Variants in BEND5 observed in about 807,000 individuals in gnomAD.
BEND5 encodes the protein BEN domain-containing protein 5.
Under a neutral mutation model 43.9 loss-of-function variants are expected in BEND5, and 22 were observed. The observed-to-expected ratio is 0.50, with a 90% CI of 0.36 to 0.72. The LOEUF is 0.72. Ranked by LOEUF, BEND5 falls within the 30% of genes least tolerant of loss-of-function variation. BEND5 has a pLI of 0.00. For synonymous variants in BEND5, 228 were observed against 225.9 expected, an observed-to-expected ratio of 1.01 and a Z score of -0.08; for missense variants, 428 against 550.6, an observed-to-expected ratio of 0.78 and a Z score of 2.23.
chr1:48,767,824 A>G (rs757972883), intron 1 of BEND5, among the ~76,000 whole-genome samples: 1 of 152,224 alleles, frequency 6.6e-6, no homozygotes, highest in Non-Finnish European at 1.5e-5. Flanking sequence ...GGGCAAGGGA[A>G]ACCACCAAAG....
At chr1:48,766,676 C>G (rs775453129) in intron 1 of BEND5, among the ~76,000 whole-genome samples, 13 of 152,178 alleles carry the variant, frequency 8.5e-5, no homozygotes, top group Non-Finnish European at 1.0e-4. Flanking sequence ...TGCCTCTTGA[C>G]CTGGATCCTG....
chr1:48,740,277 T>G (rs975873051), intron 4 of BEND5, among the ~76,000 whole-genome samples: 1 of 152,162 alleles, frequency 6.6e-6, no homozygotes, highest in Non-Finnish European at 1.5e-5. Flanking sequence ...TTTTCAGGGA[T>G]GTAGCAGAAC....
chr1:48,735,670 C>A (rs1648927574), intron 5 of BEND5, among the ~76,000 whole-genome samples: 1 of 152,028 alleles, frequency 6.6e-6, no homozygotes, highest in African/African-American at 2.4e-5. Context: ...CAGAAAGGAA[C>A]CAGAAAGGAA....
intron 5 of BEND5, among the ~76,000 whole-genome samples, chr1:48,734,353 C>A (rs1648669073): frequency 6.6e-6 from 1 of 152,160 alleles, no homozygotes; most frequent in Admixed American, 6.5e-5. Context: ...AAAATACACC[C>A]TACACTTGGG....
At chr1:48,749,961 G>A (rs1651415644) in intron 3 of BEND5, among the ~76,000 whole-genome samples, 1 of 152,162 alleles carries the variant, frequency 6.6e-6, no homozygotes, top group African/African-American at 2.4e-5. Context: ...CAGCATAAGG[G>A]CTGCTCCCAG....
chr1:48,775,355 G>A (rs1476031576), intron 1 of BEND5, among the ~76,000 whole-genome samples: 1 of 152,138 alleles, frequency 6.6e-6, no homozygotes, highest in Non-Finnish European at 1.5e-5. Flanking sequence ...CTTGCCATGA[G>A]ACCCTGGGCA....
intron 3 of BEND5, among the ~76,000 whole-genome samples, chr1:48,746,070 T>C (rs186900284): frequency 3.9e-5 from 6 of 152,292 alleles, no homozygotes; most frequent in Admixed American, 3.9e-4. Context: ...AGAGATAATG[T>C]ACACATAAAT....
chr1:48,764,289 A>G (rs542101032), intron 1 of BEND5, among the ~76,000 whole-genome samples: 1 of 152,332 alleles, frequency 6.6e-6, no homozygotes, highest in South Asian at 2.1e-4. Context: ...CTCTGAGACT[A>G]TTTCCTCATC....
At chr1:48,767,490 C>T (rs919415697) in intron 1 of BEND5, among the ~76,000 whole-genome samples, 3 of 152,142 alleles carry the variant, frequency 2.0e-5, no homozygotes, top group African/African-American at 4.8e-5. Context: ...ACGGATAAGA[C>T]GTGAGGAGGA....
At chr1:48,776,554 G>C (rs1226357993) in intron 1 of BEND5, 52 bp downstream of exon 1, 1 of 1,302,140 alleles carries the variant, frequency 7.7e-7, no homozygotes, top group East Asian at 3.1e-5. Context: ...GCCCCTCCCG[G>C]GGTCCCAGCC....
At chr1:48,728,476 G>A (rs1570373251) in intron 5 of BEND5, among the ~76,000 whole-genome samples, 1 of 126,906 alleles carries the variant, frequency 7.9e-6, no homozygotes, top group Non-Finnish European at 1.6e-5. Context: ...CTATCATTCT[G>A]ACTTGCTTTT....
intron 3 of BEND5, among the ~76,000 whole-genome samples, chr1:48,753,240 T>C (rs181509130): frequency 4.6e-4 from 70 of 152,362 alleles, no homozygotes; most frequent in African/African-American, 1.6e-3. Context: ...GAGCTGGTTC[T>C]CCTGTCTGTA....
intron 3 of BEND5, among the ~76,000 whole-genome samples, chr1:48,743,425 T>C (rs1248128692): frequency 2.0e-5 from 3 of 152,238 alleles, no homozygotes; most frequent in Non-Finnish European, 2.9e-5. Context: ...GGGGTTATTT[T>C]TTCTCCATTA....
intron 1 of BEND5, among the ~76,000 whole-genome samples, chr1:48,768,334 G>A (rs186906668): frequency 1.3e-5 from 2 of 152,226 alleles, no homozygotes; most frequent in African/African-American, 4.8e-5. Context: ...GCTTATGGAA[G>A]CCACAAAGCT....
At chr1:48,745,003 G>A (rs1215243641) in intron 3 of BEND5, among the ~76,000 whole-genome samples, 4 of 150,234 alleles carry the variant, frequency 2.7e-5, no homozygotes, top group Non-Finnish European at 5.9e-5. Flanking sequence ...GGTAGGGGGG[G>A]TCTCTACATT....
chr1:48,770,860 C>A (rs1401121325), intron 1 of BEND5, among the ~76,000 whole-genome samples: 1 of 152,146 alleles, frequency 6.6e-6, no homozygotes, highest in African/African-American at 2.4e-5. Flanking sequence ...CCATGACCAC[C>A]ACCACCTTAG....
chr1:48,730,828 A>C (rs1172748726), intron 5 of BEND5, among the ~76,000 whole-genome samples: 1 of 152,234 alleles, frequency 6.6e-6, no homozygotes, highest in Non-Finnish European at 1.5e-5. Flanking sequence ...TATAAAAATT[A>C]ACCGGAACGC....
intron 5 of BEND5, among the ~76,000 whole-genome samples, chr1:48,731,193 G>A (rs1225415112): frequency 2.0e-5 from 3 of 151,998 alleles, no homozygotes; most frequent in Non-Finnish European, 4.4e-5. Flanking sequence ...ATGCAATCTG[G>A]AACAGCTCAA....
chr1:48,737,309 G>A (rs1649228991), intron 4 of BEND5, among the ~76,000 whole-genome samples: 1 of 151,370 alleles, frequency 6.6e-6, no homozygotes, highest in South Asian at 2.1e-4. Flanking sequence ...AAAAAGAAAA[G>A]AAAAAAAAAT....
Sources: gnomAD v4.1 joint callset for allele counts (sites outside exome capture counted in the v4.1 genomes callset) on GRCh38, gnomAD v4.1.1 for gene constraint, MANE v1.5 for transcripts, NCBI Gene and HGNC (gene_info 2026-07-23, HGNC 2026-07-21) for gene names.